Variants in NTM observed in about 807,000 individuals in gnomAD.
NTM encodes neurotrimin, also known as IgLON family member 2.
NTM carries 13 observed loss-of-function variants against 42.1 expected under a neutral mutation model. The ratio of observed to expected loss-of-function variants is 0.31; its 90% CI spans 0.20 to 0.49. The LOEUF (loss-of-function observed/expected upper bound fraction) is 0.49, where lower values mean the gene tolerates loss of function less well. NTM is among the 20% of genes least tolerant of loss of function. The probability of loss-of-function intolerance (pLI) is 0.99; values close to 1 mark genes in which losing one functional copy is unlikely to be tolerated. For synonymous variants in NTM, 187 were observed against 179.2 expected (o/e 1.04, Z -0.35); for missense variants, 373 against 452.8 (o/e 0.82, Z 1.60).
At chr11:132,071,396 C>G (rs1396445520) in intron 2 of NTM, among the ~76,000 whole-genome samples, 1 of 151,864 alleles carries the variant, frequency 6.6e-6, no homozygotes, top group Non-Finnish European at 1.5e-5. Context: ...GTTAACACGT[C>G]ACACAGCCAA....
chr11:131,808,338 T>C (rs1312801898), intron 1 of NTM, among the ~76,000 whole-genome samples: 2 of 152,172 alleles, frequency 1.3e-5, no homozygotes, highest in Non-Finnish European at 2.9e-5. Context: ...TTTGTATTTG[T>C]TCAATCATTT....
intron 4 of NTM, among the ~76,000 whole-genome samples, chr11:132,283,551 A>T (rs564310560): frequency 6.6e-6 from 1 of 152,158 alleles, no homozygotes; most frequent in African/African-American, 2.4e-5. Flanking sequence ...TGTGATGCCT[A>T]TTTATGCTTG....
intron 7 of NTM, among the ~76,000 whole-genome samples, chr11:132,319,390 G>A (rs577328598): frequency 9.9e-5 from 15 of 152,260 alleles, no homozygotes; most frequent in East Asian, 1.9e-4. Context: ...AGTGACCGTC[G>A]GCACCTGGAA....
intron 1 of NTM, among the ~76,000 whole-genome samples, chr11:131,905,002 G>C (rs1565704457): frequency 6.6e-6 from 1 of 152,164 alleles, no homozygotes; most frequent in Non-Finnish European, 1.5e-5. Context: ...GTCTGCTCCT[G>C]GGTTCTCTGC....
At chr11:132,269,278 T>C (rs537231567) in intron 4 of NTM, among the ~76,000 whole-genome samples, 1 of 152,270 alleles carries the variant, frequency 6.6e-6, no homozygotes, top group East Asian at 1.9e-4. Flanking sequence ...GAGAGGGCAA[T>C]ACTAGTGATT....
chr11:131,561,711 C>CCA (rs2056252479), intron 1 of NTM, among the ~76,000 whole-genome samples: 1 of 84,584 alleles, frequency 1.2e-5, no homozygotes, highest in Non-Finnish European at 2.1e-5. Flanking sequence ...GTTATTCCCA[C>CCA]CGCAGAGACA....
At chr11:131,589,711 C>T (rs2059200151) in intron 1 of NTM, among the ~76,000 whole-genome samples, 1 of 152,128 alleles carries the variant, frequency 6.6e-6, no homozygotes, top group South Asian at 2.1e-4. Flanking sequence ...TTCCTGCATC[C>T]ACACATACAC....
rs761269424 is a variant in NTM, at chr11:131,692,798, TAA to T, written c.83-218764_83-218763del. On this transcript the variant is annotated intron_variant, in intron 1 of 8. Transcript: ENST00000683400. ...CCTTCAGGGTTATAGACCCTGAAAG[TAA>T]AGTCAGAGGCAAAAAAGGGGTTAAA... 1.6e-4 allele frequency among the ~76,000 whole-genome samples: 25 copies of T among 152,164 alleles called. No individual in the cohort carries two copies. The Middle Eastern group carries it at 0.01, about 62-fold the overall frequency.
chr11:132,013,564 A>T (rs2072716285), intron 2 of NTM, among the ~76,000 whole-genome samples: 1 of 152,144 alleles, frequency 6.6e-6, no homozygotes, highest in Non-Finnish European at 1.5e-5. Context: ...TCAGTCTTGA[A>T]CAGGGACAGC....
rs377220983 is a variant in NTM at position 131,567,372 on chromosome 11, G to A, written c.82+196484G>A. ...CGTGATGGCACACACCCGTGATCCCGGCTACTTGGGAGGCTGAGGCAGGGC... is the reference window on the plus strand; with the variant it reads ...CGTGATGGCACACACCCGTGATCCCAGCTACTTGGGAGGCTGAGGCAGGGC... On this transcript the variant is annotated intron_variant, in intron 1 of 8. Transcript: ENST00000683400. 7.2e-5 allele frequency among the ~76,000 whole-genome samples: 11 copies of A among 152,142 alleles called. No homozygotes were observed. The South Asian group carries it at 1.0e-3, about 14-fold the overall frequency.
intron 2 of NTM, among the ~76,000 whole-genome samples, chr11:132,011,262 A>G (rs1386714160): frequency 2.0e-5 from 3 of 152,164 alleles, no homozygotes; most frequent in Admixed American, 2.0e-4. Context: ...CTCCTTGACA[A>G]CAGTTTACTG....
intron 1 of NTM, among the ~76,000 whole-genome samples, chr11:131,851,530 G>GGTGTGT (rs1555154751): frequency 1.4e-5 from 1 of 70,008 alleles, no homozygotes; most frequent in Non-Finnish European, 3.5e-5. Flanking sequence ...TGGTGAGAAT[G>GGTGTGT]GCGTGTGTGT....
At chr11:131,976,893 C>T (rs1226356456) in intron 2 of NTM, among the ~76,000 whole-genome samples, 1 of 152,132 alleles carries the variant, frequency 6.6e-6, no homozygotes, top group East Asian at 1.9e-4. Context: ...CACAACTGTT[C>T]CCTAAATGAA....
At chr11:131,690,005 C>T (rs1471777618) in intron 1 of NTM, among the ~76,000 whole-genome samples, 1 of 152,192 alleles carries the variant, frequency 6.6e-6, no homozygotes, top group Non-Finnish European at 1.5e-5. Flanking sequence ...GGACATGAAC[C>T]TGGTGGTCTC....
chr11:131,915,374 C>T lies in NTM; in HGVS notation c.167+3726C>T, dbSNP rs2056127589. 2.6e-5 allele frequency among the ~76,000 whole-genome samples: 4 copies of T among 152,066 alleles called. No individual in the cohort carries two copies. In the South Asian group the frequency reaches 8.3e-4, roughly 32 times the overall value. ...GTGTTATCTCTCTGTCTTCTTTCTT[C>T]CCTTGGGCTGCAGAGCACCTCTTGG... On this transcript the variant is annotated intron_variant, in intron 2 of 8. Coordinates refer to ENST00000683400, the MANE Select transcript of NTM (RefSeq NM_001352005.2).
intron 2 of NTM, among the ~76,000 whole-genome samples, chr11:131,912,955 C>T (rs1241873615): frequency 6.6e-6 from 1 of 152,170 alleles, no homozygotes; most frequent in African/African-American, 2.4e-5. Flanking sequence ...TGCAGGGCTA[C>T]AAGCATCCAG....
At chr11:131,590,181 A>C (rs537446854) in intron 1 of NTM, among the ~76,000 whole-genome samples, 6 of 152,184 alleles carry the variant, frequency 3.9e-5, no homozygotes, top group Non-Finnish European at 8.8e-5. Context: ...TCCCCTCCCC[A>C]GTCAAAAGTC....
intron 4 of NTM, among the ~76,000 whole-genome samples, chr11:132,281,931 C>G (rs2093985467): frequency 6.6e-6 from 1 of 152,142 alleles, no homozygotes; most frequent in African/African-American, 2.4e-5. Flanking sequence ...TTATTAATTT[C>G]TGCTTCCAAA....
At chr11:132,051,795 T>C (rs1011403250) in intron 2 of NTM, among the ~76,000 whole-genome samples, 2 of 152,208 alleles carry the variant, frequency 1.3e-5, no homozygotes, top group Non-Finnish European at 2.9e-5. Flanking sequence ...CAAAGCCATA[T>C]GTGAGCTTTA....
Sources: allele counts gnomAD v4.1 joint callset (sites outside exome capture counted in the v4.1 genomes callset), GRCh38; gene constraint gnomAD v4.1.1; transcripts MANE v1.5; gene names NCBI Gene and HGNC (gene_info 2026-07-23, HGNC 2026-07-21).